LIMD1: variants seen among roughly 807,000 people sequenced by gnomAD.
The protein encoded by LIMD1 is LIM domain-containing protein 1.
In LIMD1, 23 loss-of-function variants were observed where a neutral mutation model predicts 58.4. That is an observed-to-expected ratio of 0.39 (90% CI 0.28 to 0.56). The LOEUF (loss-of-function observed/expected upper bound fraction) is 0.56, where lower values mean the gene tolerates loss of function less well. LIMD1 is among the 20% of genes least tolerant of loss of function. The pLI is 0.57. For synonymous variants in LIMD1, 334 were observed against 345.5 expected (o/e 0.97, Z 0.37); for missense variants, 838 against 855.5 (o/e 0.98, Z 0.25).
At chr3:45,664,623 A>T (rs1416994253) in intron 2 of LIMD1, among the ~76,000 whole-genome samples, 1 of 152,144 alleles carries the variant, frequency 6.6e-6, no homozygotes, top group East Asian at 1.9e-4. Flanking sequence ...CGCTGCGTTG[A>T]TGCTTTCAGG....
chr3:45,652,061 G>A (rs1220290896), intron 2 of LIMD1, among the ~76,000 whole-genome samples: 3 of 151,992 alleles, frequency 2.0e-5, no homozygotes, highest in Admixed American at 2.0e-4. Context: ...TAAGTAGCTG[G>A]GATTACAGGC....
At chr3:45,656,411 GCT>G (rs1335129175) in intron 2 of LIMD1, among the ~76,000 whole-genome samples, 4 of 149,538 alleles carry the variant, frequency 2.7e-5, no homozygotes, top group Non-Finnish European at 5.9e-5. Context: ...TTAACTTTTA[GCT>G]ACATAGGTGA....
chr3:45,666,942 C>T (rs916221163), intron 3 of LIMD1, among the ~76,000 whole-genome samples: 4 of 152,160 alleles, frequency 2.6e-5, no homozygotes, highest in African/African-American at 9.7e-5. Context: ...AAAGTTGATT[C>T]ATTATGATTC....
intron 1 of LIMD1, among the ~76,000 whole-genome samples, chr3:45,630,003 C>G (rs1338735559): frequency 2.0e-5 from 3 of 152,166 alleles, no homozygotes; most frequent in Non-Finnish European, 4.4e-5. Context: ...GCTTGGGCTA[C>G]AATTTGGAGA....
At chr3:45,600,114 G>A (rs968702039) in intron 1 of LIMD1, among the ~76,000 whole-genome samples, 4 of 152,150 alleles carry the variant, frequency 2.6e-5, no homozygotes, top group Admixed American at 6.5e-5. Context: ...TACCCAACAC[G>A]CTACATTTGT....
chr3:45,653,965 T>G (rs1575360996), intron 2 of LIMD1, among the ~76,000 whole-genome samples: 3 of 145,764 alleles, frequency 2.1e-5, no homozygotes, highest in African/African-American at 7.6e-5. Flanking sequence ...CTAGAAAAGC[T>G]ATTTGAAGAA....
intron 1 of LIMD1, among the ~76,000 whole-genome samples, chr3:45,621,429 A>T (rs1701627462): frequency 6.6e-6 from 1 of 152,048 alleles, no homozygotes; most frequent in Admixed American, 6.6e-5. Flanking sequence ...ATGTAGAGAC[A>T]GGGGTCTTAC....
At chr3:45,598,512 T>G (rs1701379034) in intron 1 of LIMD1, among the ~76,000 whole-genome samples, 1 of 152,214 alleles carries the variant, frequency 6.6e-6, no homozygotes, top group Non-Finnish European at 1.5e-5. Context: ...TTAAAATTTA[T>G]TGAGCACCTA....
chr3:45,650,316 G>A (rs1394913042), intron 2 of LIMD1, among the ~76,000 whole-genome samples: 3 of 151,770 alleles, frequency 2.0e-5, no homozygotes, highest in Non-Finnish European at 4.4e-5. Context: ...TTTTTAAAAA[G>A]CTTTTTGTTA....
chr3:45,618,864 G>A (rs943502112), intron 1 of LIMD1, among the ~76,000 whole-genome samples: 1 of 152,166 alleles, frequency 6.6e-6, no homozygotes, highest in South Asian at 2.1e-4. Context: ...GACCCACCAG[G>A]ACTGCAGGGT....
intron 1 of LIMD1, among the ~76,000 whole-genome samples, chr3:45,625,372 G>A (rs1701660432): frequency 6.6e-6 from 1 of 152,060 alleles, no homozygotes; most frequent in Non-Finnish European, 1.5e-5. Flanking sequence ...AGTAGATGCC[G>A]AATAAGCATG....
intron 7 of LIMD1, among the ~76,000 whole-genome samples, chr3:45,675,841 T>C (rs1697660037): frequency 6.6e-6 from 1 of 152,124 alleles, no homozygotes; most frequent in African/African-American, 2.4e-5. Context: ...ACCCTGTCTC[T>C]ACTAAAAATA....
In LIMD1 at chr3:45,595,074, G is replaced by T; in HGVS notation, c.195G>T (p.Leu65=). 1 of 1,613,596 alleles carries T rather than the reference G, an allele frequency of 6.2e-7. No homozygotes were observed. The highest frequency in any genetic ancestry group is 8.5e-7 in the Non-Finnish European group (1 of 1,179,970). ...IHLQQQQQQL[L]QEETLPRGSR... is the part of the protein sequence containing the mutation. ...TCCAGCAGCAGCAGCAGCAGCTCCT[G>T]CAGGAGGAGACTCTGCCCAGGGGGA... The change falls in exon 1 of 8, where the codon CTG becomes CTT. Residue 65 remains leucine (L), a synonymous_variant. Transcript: ENST00000273317.
chr3:45,630,152 A>G (rs1053083048), intron 1 of LIMD1, among the ~76,000 whole-genome samples: 2 of 82,308 alleles, frequency 2.4e-5, no homozygotes, highest in African/African-American at 6.6e-5. Context: ...ATGTGATGAT[A>G]TTTTTTCTTT....
chr3:45,635,663 C>T (rs946967190), intron 1 of LIMD1, among the ~76,000 whole-genome samples: 4 of 132,504 alleles, frequency 3.0e-5, no homozygotes, highest in Admixed American at 9.4e-5. Flanking sequence ...TTTAGGAGGC[C>T]GAGGCGGGAG....
rs148581681 is a variant in LIMD1, at chr3:45,595,048, C to G, written c.169C>G (p.Leu57Val). ...CGCCACCAAGATGGCCAAAATCCACCTCCAGCAGCAGCAGCAGCAGCTCCT... is the reference window on the plus strand; with the variant it reads ...CGCCACCAAGATGGCCAAAATCCACGTCCAGCAGCAGCAGCAGCAGCTCCT... The part of the protein sequence containing the change: ...VFATKMAKIH[L>V]QQQQQQLLQE... Residue 57 changes from leucine to valine, a missense_variant, in exon 1 of 8, where the codon CTC becomes GTC. Transcript: ENST00000273317. 6.2e-7 allele frequency: 1 copy of G among 1,613,706 alleles called. No individual in the cohort carries two copies. The highest frequency in any genetic ancestry group is 2.2e-5 in the East Asian group (1 of 44,882).
intron 1 of LIMD1, among the ~76,000 whole-genome samples, chr3:45,628,991 C>T (rs1701698392): frequency 6.6e-6 from 1 of 152,140 alleles, no homozygotes; most frequent in Non-Finnish European, 1.5e-5. Context: ...GAAAGCAGAT[C>T]AGTGGTTGCC....
At chr3:45,656,488 G>A (rs1471599137) in intron 2 of LIMD1, among the ~76,000 whole-genome samples, 1 of 148,416 alleles carries the variant, frequency 6.7e-6, no homozygotes, top group Non-Finnish European at 1.5e-5. Flanking sequence ...TAACTCAACC[G>A]TAATATAGTA....
intron 2 of LIMD1, among the ~76,000 whole-genome samples, chr3:45,658,535 C>CTTTTTTTTTTTTTTTTTT (rs10572210): frequency 4.5e-5 from 2 of 44,736 alleles, no homozygotes; most frequent in Non-Finnish European, 9.0e-5. Flanking sequence ...CATGCAGATT[C>CTTTTTTTTTTTTTTTTTT]TTTTTTTTTT....
Sources: gnomAD v4.1 joint callset for allele counts (sites outside exome capture counted in the v4.1 genomes callset) on GRCh38, gnomAD v4.1.1 for gene constraint, MANE v1.5 for transcripts, NCBI Gene and HGNC (gene_info 2026-07-23, HGNC 2026-07-21) for gene names.